Variants in WWOX observed in about 807,000 individuals in gnomAD.
WWOX encodes WW domain containing oxidoreductase, also known as WW domain-containing oxidoreductase.
Under a neutral mutation model 46.2 loss-of-function variants are expected in WWOX, and 69 were observed. The ratio of observed to expected loss-of-function variants is 1.49; its 90% CI spans 1.23 to 1.82. WWOX has a LOEUF of 1.82. WWOX is among the 40% of genes most tolerant of loss of function. WWOX has a pLI of 0.00. For synonymous variants in WWOX, 359 were observed against 202.6 expected, an observed-to-expected ratio of 1.77 and a Z score of -6.56; for missense variants, 919 against 542.6, an observed-to-expected ratio of 1.69 and a Z score of -6.89.
At chr16:78,324,507 A>T (rs1285283512) in intron 5 of WWOX, among the ~76,000 whole-genome samples, 2 of 152,172 alleles carry the variant, frequency 1.3e-5, no homozygotes. Flanking sequence ...ATTGTTCTTA[A>T]TAGCCAATAG....
intron 8 of WWOX, among the ~76,000 whole-genome samples, chr16:79,098,150 G>C (rs2049114981): frequency 6.6e-6 from 1 of 152,176 alleles, no homozygotes; most frequent in African/African-American, 2.4e-5. Flanking sequence ...CTGCTCATCA[G>C]AATCACCTGG....
At chr16:79,180,452 G>T (rs1262837552) in intron 8 of WWOX, among the ~76,000 whole-genome samples, 1 of 152,184 alleles carries the variant, frequency 6.6e-6, no homozygotes, top group Non-Finnish European at 1.5e-5. Flanking sequence ...CATAAAGCCT[G>T]GGGTGGTGAT....
At chr16:78,309,260 T>C (rs868072329) in intron 5 of WWOX, among the ~76,000 whole-genome samples, 1 of 152,158 alleles carries the variant, frequency 6.6e-6, no homozygotes, top group African/African-American at 2.4e-5. Context: ...AATAAGTGTT[T>C]GGTAGTTTCT....
At chr16:78,362,884 A>G (rs4432273) in intron 5 of WWOX, among the ~76,000 whole-genome samples, 78,082 of 152,062 alleles carry the variant, frequency 0.51, 21,787 homozygotes, top group Non-Finnish European at 0.63. Flanking sequence ...AAGTTGCTAA[A>G]TGCGTAAAGG....
intron 5 of WWOX, among the ~76,000 whole-genome samples, chr16:78,354,149 G>T (rs373577725): frequency 2.4e-4 from 36 of 152,260 alleles, no homozygotes; most frequent in African/African-American, 8.7e-4. Context: ...AGACAATGCA[G>T]CTTTGTGTTT....
At chr16:79,010,024 C>T (rs1827401711) in intron 8 of WWOX, among the ~76,000 whole-genome samples, 2 of 152,162 alleles carry the variant, frequency 1.3e-5, no homozygotes, top group African/African-American at 4.8e-5. Context: ...AATAATGGGT[C>T]TTGAGTATGC....
chr16:78,663,470 T>C (rs2047263273), intron 8 of WWOX, among the ~76,000 whole-genome samples: 1 of 152,238 alleles, frequency 6.6e-6, no homozygotes, highest in South Asian at 2.1e-4. Flanking sequence ...AATACTGCGA[T>C]ATGAACATCT....
chr16:79,105,611 C>G (rs867165827), intron 8 of WWOX, among the ~76,000 whole-genome samples: 2 of 151,644 alleles, frequency 1.3e-5, no homozygotes, highest in Non-Finnish European at 2.9e-5. Flanking sequence ...GTACACAGTC[C>G]TATATAATCT....
intron 8 of WWOX, among the ~76,000 whole-genome samples, chr16:78,765,003 C>T (rs2049894110): frequency 6.6e-6 from 1 of 152,106 alleles, no homozygotes; most frequent in Admixed American, 6.5e-5. Context: ...TTGAGGGATG[C>T]AGGAAGGAAC....
At chr16:78,492,452 T>C (rs1268411702) in intron 8 of WWOX, among the ~76,000 whole-genome samples, 1 of 152,188 alleles carries the variant, frequency 6.6e-6, no homozygotes, top group East Asian at 1.9e-4. Context: ...GTCAAACATA[T>C]TCAGCATCCA....
intron 5 of WWOX, among the ~76,000 whole-genome samples, chr16:78,326,577 G>A (rs867974278): frequency 3.1e-5 from 1 of 32,778 alleles, no homozygotes; most frequent in Non-Finnish European, 5.1e-5. Flanking sequence ...CCCTCCCCCC[G>A]CCCCCCCCCC....
intron 8 of WWOX, among the ~76,000 whole-genome samples, chr16:79,008,422 C>T (rs1205140196): frequency 6.6e-6 from 1 of 152,180 alleles, no homozygotes; most frequent in Non-Finnish European, 1.5e-5. Flanking sequence ...AAATTCCTCC[C>T]CCTTTGCTTG....
intron 4 of WWOX, among the ~76,000 whole-genome samples, chr16:78,148,273 G>C (rs954929933): frequency 1.3e-5 from 2 of 152,144 alleles, no homozygotes; most frequent in African/African-American, 4.8e-5. Flanking sequence ...AGAATTATAC[G>C]AAGTGAGACC....
chr16:78,464,228 A>G (rs1236455113), intron 8 of WWOX, among the ~76,000 whole-genome samples: 1 of 151,870 alleles, frequency 6.6e-6, no homozygotes, highest in Non-Finnish European at 1.5e-5. Flanking sequence ...GGAAGGATGG[A>G]AGGAAGAGAG....
intron 8 of WWOX, among the ~76,000 whole-genome samples, chr16:79,051,644 C>A (rs1209275518): frequency 2.0e-5 from 3 of 152,192 alleles, no homozygotes; most frequent in Admixed American, 2.0e-4. Context: ...TAGTGTTATC[C>A]TTTCATGCCA....
chr16:78,956,620 T>TATC (rs2046172456), intron 8 of WWOX, among the ~76,000 whole-genome samples: 1 of 152,112 alleles, frequency 6.6e-6, no homozygotes, highest in Non-Finnish European at 1.5e-5. Flanking sequence ...TATCATGTCA[T>TATC]ATCATATCAT....
At chr16:79,194,729 A>G (rs1331564559) in intron 8 of WWOX, among the ~76,000 whole-genome samples, 1 of 152,112 alleles carries the variant, frequency 6.6e-6, no homozygotes, top group Non-Finnish European at 1.5e-5. Flanking sequence ...TCTGCTTTCC[A>G]TCGTCCAAAA....
intron 8 of WWOX, among the ~76,000 whole-genome samples, chr16:79,175,708 G>A (rs1304483130): frequency 6.6e-6 from 1 of 152,128 alleles, no homozygotes; most frequent in Non-Finnish European, 1.5e-5. Flanking sequence ...CCTGTTCTGT[G>A]TCCTGGCACC....
intron 8 of WWOX, chr16:78,525,357 T>C (rs2043439838): frequency 6.6e-6 from 1 of 151,980 alleles, no homozygotes; most frequent in African/African-American, 2.4e-5. Flanking sequence ...GGCTAATTTT[T>C]TATATTTTTA....
Sources: allele counts gnomAD v4.1 joint callset (sites outside exome capture counted in the v4.1 genomes callset), GRCh38; gene constraint gnomAD v4.1.1; transcripts MANE v1.5; gene names NCBI Gene and HGNC (gene_info 2026-07-23, HGNC 2026-07-21).